PXDNL: variants seen among roughly 807,000 people sequenced by gnomAD.
PXDNL encodes peroxidasin like, also known as probable oxidoreductase PXDNL.
In PXDNL, 145 loss-of-function variants were observed where a neutral mutation model predicts 150.8. The ratio of observed to expected loss-of-function variants is 0.96; its 90% CI spans 0.84 to 1.10. The LOEUF (loss-of-function observed/expected upper bound fraction) is 1.10, where lower values mean the gene tolerates loss of function less well. Among genes scored for constraint, PXDNL ranks in the 50% least tolerant of loss-of-function variants. PXDNL has a pLI of 0.00. For synonymous variants in PXDNL, 757 were observed against 725.7 expected (o/e 1.04, Z -0.69); for missense variants, 2,087 against 1,873.9 (o/e 1.11, Z -2.10).
In PXDNL at chr8:51,684,727, T is replaced by C. The variant is rs1049345990; in HGVS notation, c.165-29967A>G. On this transcript the variant is annotated intron_variant, in intron 1 of 22. Coordinates refer to ENST00000356297, the MANE Select transcript of PXDNL (RefSeq NM_144651.5). The stretch of plus-strand genomic sequence containing the variant: ...AGTCAGTGATTGGAAGCAACAGACA[T>C]TCTCTTGCTGGTCTTGAAGGAGCAA... Among the ~76,000 whole-genome samples, 13 of 152,188 alleles carry C rather than the reference T, an allele frequency of 8.5e-5. No individual in the cohort carries two copies. The South Asian group carries it at 2.3e-3, about 27-fold the overall frequency.
intron 13 of PXDNL, among the ~76,000 whole-genome samples, chr8:51,425,694 G>A (rs949467749): frequency 5.3e-5 from 8 of 151,930 alleles, no homozygotes; most frequent in Admixed American, 1.3e-4. Context: ...GGTGGCGGGC[G>A]CCTGTAGTCC....
intron 1 of PXDNL, among the ~76,000 whole-genome samples, chr8:51,744,927 AAAAAGAAAG>A: frequency 1.1e-5 from 1 of 95,044 alleles, no homozygotes; most frequent in African/African-American, 4.2e-5. Flanking sequence ...GGAAAGAAAG[AAAAAGAAAG>A]AAAGAAAGAA....
intron 3 of PXDNL, among the ~76,000 whole-genome samples, chr8:51,570,882 A>C (rs1330533116): frequency 6.6e-6 from 1 of 151,854 alleles, no homozygotes; most frequent in African/African-American, 2.4e-5. Context: ...AAAACAGATG[A>C]TATATATGCA....
At chr8:51,486,036 C>T (rs980131648) in intron 5 of PXDNL, among the ~76,000 whole-genome samples, 16 of 152,124 alleles carry the variant, frequency 1.1e-4, no homozygotes, top group African/African-American at 3.6e-4. Context: ...AAAATGAAAG[C>T]TTTCTTCATT....
chr8:51,442,489 C>G (rs1809574035), intron 12 of PXDNL, among the ~76,000 whole-genome samples: 1 of 151,794 alleles, frequency 6.6e-6, no homozygotes, highest in Non-Finnish European at 1.5e-5. Flanking sequence ...AAGATTCTAG[C>G]TAATGAGTTC....
At chr8:51,394,991 T>G (rs1363215436) in intron 17 of PXDNL, among the ~76,000 whole-genome samples, 2 of 152,150 alleles carry the variant, frequency 1.3e-5, no homozygotes, top group African/African-American at 2.4e-5. Context: ...ATGAGCACAT[T>G]CAGCAACCCC....
In PXDNL at chr8:51,423,559, A is replaced by T. The variant is rs368119749; in HGVS notation, c.1795+16T>A. 43 of 1,609,870 alleles carry T rather than the reference A, an allele frequency of 2.7e-5. No individual in the cohort carries two copies. In the Middle Eastern group the frequency reaches 5.0e-4, roughly 19 times the overall value. ...ACAGTTATTTGGATGTTGTAAATGG[A>T]GCTATAGACACCTACCCGTGACTGT... On this transcript the variant is annotated intron_variant, in intron 14 of 22. Transcript: ENST00000356297.
intron 2 of PXDNL, among the ~76,000 whole-genome samples, chr8:51,624,443 A>G (rs1814324304): frequency 6.6e-6 from 1 of 152,198 alleles, no homozygotes; most frequent in Non-Finnish European, 1.5e-5. Context: ...TCACATTGCT[A>G]CTAATCATAG....
intron 1 of PXDNL, among the ~76,000 whole-genome samples, chr8:51,767,785 G>C (rs1240408060): frequency 6.6e-6 from 1 of 152,166 alleles, no homozygotes; most frequent in Admixed American, 6.5e-5. Flanking sequence ...CCGTCCTCTT[G>C]TTTGCCCTAA....
At chr8:51,545,568 C>T (rs1379615582) in intron 4 of PXDNL, among the ~76,000 whole-genome samples, 2 of 152,040 alleles carry the variant, frequency 1.3e-5, no homozygotes, top group South Asian at 2.1e-4. Context: ...ATTGACAGGC[C>T]AATCATCCCC....
At chr8:51,630,859 GA>G (rs1814475051) in intron 2 of PXDNL, among the ~76,000 whole-genome samples, 1 of 152,124 alleles carries the variant, frequency 6.6e-6, no homozygotes, top group African/African-American at 2.4e-5. Context: ...AGCCATTGGG[GA>G]AAGCAGTGTG....
At chr8:51,807,347 C>A (rs2037688412) in intron 1 of PXDNL, among the ~76,000 whole-genome samples, 1 of 68,024 alleles carries the variant, frequency 1.5e-5, no homozygotes, top group African/African-American at 2.6e-5. Flanking sequence ...ACAACCTGAT[C>A]TTGTGATACC....
At chr8:51,352,993 G>A (rs1450155178) in intron 19 of PXDNL, among the ~76,000 whole-genome samples, 1 of 151,994 alleles carries the variant, frequency 6.6e-6, no homozygotes, top group African/African-American at 2.4e-5. Flanking sequence ...ATTACCTATT[G>A]AGTACAATGG....
chr8:51,319,898 T>G lies in PXDNL; in HGVS notation c.4385A>C (p.Lys1462Thr). ...AACAGCACAAAACTTTTATTAGCGCTTCTCTGGGGAATCACTTGGCATTCC... is the reference window on the plus strand; with the variant it reads ...AACAGCACAAAACTTTTATTAGCGCGTCTCTGGGGAATCACTTGGCATTCC... ...DRGMPSDSPEKR is the reference protein window; with the variant it reads ...DRGMPSDSPETR The change falls in exon 23 of 23, where the codon AAG becomes ACG. Residue 1462 changes from lysine to threonine, a missense_variant. By Grantham distance (78) the Lys-to-Thr change is moderately conservative. Coordinates refer to ENST00000356297, the MANE Select transcript of PXDNL (RefSeq NM_144651.5). 1 of 1,532,462 alleles carries G rather than the reference T, an allele frequency of 6.5e-7. No homozygotes were observed. Among genetic ancestry groups the G allele is most frequent in the African/African-American group, 1.4e-5 (1 of 71,390 alleles). 94.9% of individuals were successfully genotyped at this position (1,532,462 alleles called of 1,614,324 possible).
At chr8:51,797,165 A>G (rs112579849) in intron 1 of PXDNL, among the ~76,000 whole-genome samples, 3 of 152,298 alleles carry the variant, frequency 2.0e-5, no homozygotes, top group African/African-American at 7.2e-5. Context: ...GTATTGATAG[A>G]ACATACCTCA....
intron 21 of PXDNL, among the ~76,000 whole-genome samples, chr8:51,327,456 T>C (rs1427494942): frequency 6.6e-6 from 1 of 152,196 alleles, no homozygotes; most frequent in Non-Finnish European, 1.5e-5. Flanking sequence ...AACCAATTCA[T>C]GTTGCTGAAA....
intron 4 of PXDNL, among the ~76,000 whole-genome samples, chr8:51,529,732 C>G (rs1414362549): frequency 6.6e-6 from 1 of 152,188 alleles, no homozygotes; most frequent in African/African-American, 2.4e-5. Context: ...CCCTAAACAT[C>G]TGATAGCCAC....
chr8:51,671,204 C>T (rs1279386773), intron 1 of PXDNL, among the ~76,000 whole-genome samples: 1 of 152,114 alleles, frequency 6.6e-6, no homozygotes, highest in Non-Finnish European at 1.5e-5. Flanking sequence ...AAGAGATCGA[C>T]AGATAGAATT....
At chr8:51,401,095 T>C (rs1214330712) in intron 17 of PXDNL, among the ~76,000 whole-genome samples, 1 of 152,070 alleles carries the variant, frequency 6.6e-6, no homozygotes, top group Non-Finnish European at 1.5e-5. Flanking sequence ...AACCAAGGAG[T>C]ACATACTCTT....
Sources: allele counts gnomAD v4.1 joint callset (sites outside exome capture counted in the v4.1 genomes callset), GRCh38; gene constraint gnomAD v4.1.1; transcripts MANE v1.5; gene names NCBI Gene and HGNC (gene_info 2026-07-23, HGNC 2026-07-21).